Variants in SLC9A3 observed in about 807,000 individuals in gnomAD.
SLC9A3 encodes the protein sodium/hydrogen exchanger 3.
A neutral mutation model predicts 86.8 loss-of-function variants in SLC9A3; 37 were observed. That is an observed-to-expected ratio of 0.43 (90% CI 0.33 to 0.56). The LOEUF is 0.56. Ranked by LOEUF, SLC9A3 falls within the 20% of genes least tolerant of loss-of-function variation. The pLI is 0.06. For synonymous variants in SLC9A3, 581 were observed against 528.3 expected (o/e 1.10, Z -1.37); for missense variants, 1,011 against 1,171.9 (o/e 0.86, Z 2.00).
intron 3 of SLC9A3, among the ~76,000 whole-genome samples, chr5:485,631 C>T (rs545224078): frequency 9.2e-5 from 14 of 152,380 alleles, no homozygotes; most frequent in East Asian, 1.9e-4. Flanking sequence ...AACCTTAGCC[C>T]GGCAAAACCC....
In SLC9A3 at chr5:500,931, T is replaced by C. The variant is rs1014099512; in HGVS notation, c.212-8860A>G. Among the ~76,000 whole-genome samples, 397 of 84,022 alleles carry C rather than the reference T, an allele frequency of 4.7e-3. 3 individuals carry two copies. Among genetic ancestry groups the C allele is most frequent in the African/African-American group, 0.018 (374 of 20,586 alleles). The allele number at this position is 84,022 out of a possible 152,430, so 55.1% of individuals were successfully genotyped here. ...CGAGGCTGGTGTGGACACGGGCCGG[T>C]GTGGACAGGGCCAGGCCCTGAGTCC... On this transcript the variant is annotated intron_variant, in intron 1 of 16. Transcript: ENST00000264938.
rs111600778 is a variant in SLC9A3 at position 472,059 on chromosome 5, G to T, written c.*1320C>A. On this transcript the variant is annotated 3_prime_UTR_variant, in exon 17 of 17. Coordinates refer to ENST00000264938, the MANE Select transcript of SLC9A3 (RefSeq NM_004174.4). ...AGTGTCCACCTCCACCACTTCCACCGTGCAGGCAGGTTTCAGGTGGGTTGG... is the reference window on the plus strand; with the variant it reads ...AGTGTCCACCTCCACCACTTCCACCTTGCAGGCAGGTTTCAGGTGGGTTGG... The T allele has an allele frequency of 4.4e-6, 2 of 452,412 alleles. No homozygotes were observed. 28.0% of individuals were successfully genotyped at this position (452,412 alleles called of 1,614,324 possible). A position where few individuals can be genotyped will look rare whatever the true frequency, so the allele number is the denominator to read the frequency against.
Position 485,979 on chromosome 5 carries a change from C to T in SLC9A3, c.676-748G>A, listed in dbSNP as rs73730826. 2.8e-3 allele frequency among the ~76,000 whole-genome samples: 433 copies of T among 152,280 alleles called. 3 individuals carry two copies. The highest frequency in any genetic ancestry group is 9.8e-3 in the African/African-American group (406 of 41,544). On this transcript the variant is annotated intron_variant, in intron 3 of 16. Coordinates refer to ENST00000264938, the MANE Select transcript of SLC9A3 (RefSeq NM_004174.4). ...CTCTTGCTTCTCCAGGGACGGGAGC[C>T]GCAGGGCTGCGGGGCACACGGGGCT... is the stretch of plus-strand genomic sequence containing the variant.
intron 1 of SLC9A3, among the ~76,000 whole-genome samples, chr5:494,801 G>C (rs1167921857): frequency 6.6e-6 from 1 of 152,182 alleles, no homozygotes; most frequent in East Asian, 1.9e-4. Context: ...GGGCACAGCC[G>C]TGGTGATGGT....
chr5:492,421 G>C (rs1468015021), intron 1 of SLC9A3, among the ~76,000 whole-genome samples: 1 of 135,518 alleles, frequency 7.4e-6, no homozygotes, highest in Non-Finnish European at 1.6e-5. Context: ...TGGGACCTGC[G>C]GGGGAGGGGA....
intron 10 of SLC9A3, chr5:477,773 G>A: frequency 3.8e-6 from 1 of 260,500 alleles, no homozygotes; most frequent in Middle Eastern, 1.2e-3. Flanking sequence ...TGTTGATACT[G>A]CAGAATCATT....
chr5:477,946 C>G (rs964045749), intron 10 of SLC9A3: 1 of 153,676 alleles, frequency 6.5e-6, no homozygotes, highest in African/African-American at 2.4e-5. Context: ...AGACCCCACC[C>G]GCCTGATGGC....
Position 492,075 on chromosome 5 carries a change from TG to T in SLC9A3, c.212-5del. On this transcript the variant is annotated splice_polypyrimidine_tract_variant and splice_region_variant and intron_variant, in intron 1 of 16. Transcript: ENST00000264938. ...ACCTTGTGGGACAGGTGGAACCCTGTGGGGGAAGGGAGGGAGGTCAGGGCCG... is the reference window on the plus strand; with the variant it reads ...ACCTTGTGGGACAGGTGGAACCCTGTGGGGAAGGGAGGGAGGTCAGGGCCG... The T allele has an allele frequency of 1.8e-6, 2 of 1,134,922 alleles. No homozygotes were observed. Among genetic ancestry groups the T allele is most frequent in the Non-Finnish European group, 2.2e-6 (2 of 915,378 alleles). 70.3% of individuals were successfully genotyped at this position (1,134,922 alleles called of 1,614,324 possible).
intron 10 of SLC9A3, chr5:478,618 C>G (rs1738934863): frequency 6.5e-6 from 1 of 154,556 alleles, no homozygotes; most frequent in Non-Finnish European, 1.5e-5. Flanking sequence ...GGTCGTGGGT[C>G]GTGGGTCAAG....
Position 476,064 on chromosome 5 carries a change from A to G in SLC9A3, c.2096T>C (p.Leu699Pro). 6.2e-7 allele frequency: 1 copy of G among 1,613,368 alleles called. No homozygotes were observed. Among genetic ancestry groups the G allele is most frequent in the Non-Finnish European group, 8.5e-7 (1 of 1,179,888 alleles). ...ATTCTGCGCAGGGCTCTCCATGGGCAGCTTCCCATTGGGGATGCTGCTGTT... is the reference window on the plus strand; with the variant it reads ...ATTCTGCGCAGGGCTCTCCATGGGCGGCTTCCCATTGGGGATGCTGCTGTT... ...RRNSSIPNGK[L>P]PMESPAQNFT... Residue 699 changes from leucine to proline, a missense_variant, in exon 14 of 17, where the codon CTG (leucine) becomes CCG (proline). Physicochemically the swap from Leu to Pro is moderately conservative, Grantham distance 98. Around this residue, in one of 3 missense-constraint regions of SLC9A3, gnomAD observed 397 missense variants for 346.3 expected, o/e 1.15. Transcript: ENST00000264938.
At position 473,006 on chromosome 5, in the gene SLC9A3, G is replaced by A; in HGVS notation, c.*373C>T. ...CCTGCTCCAGCGCGTGCGGCGGTGC[G>A]TGGCACGAGGGCGGCAGCGACGCCA... On this transcript the variant is annotated 3_prime_UTR_variant, in exon 17 of 17. Coordinates refer to ENST00000264938, the MANE Select transcript of SLC9A3 (RefSeq NM_004174.4). 2 of 458,316 alleles carry A rather than the reference G, an allele frequency of 4.4e-6. No homozygotes were observed. The highest frequency in any genetic ancestry group is 3.3e-5 in the South Asian group (1 of 30,764). The allele number at this position is 458,316 out of a possible 1,614,324, so 28.4% of individuals were successfully genotyped here.
intron 16 of SLC9A3, among the ~76,000 whole-genome samples, chr5:474,212 C>A (rs2561677): frequency 0.61 from 29,097 of 47,826 alleles, 8,006 homozygotes; most frequent in African/African-American, 0.69. Context: ...AACCAGGTTC[C>A]GGTCCAGGGA....
At position 473,446 on chromosome 5, in the gene SLC9A3, CG is replaced by C; in HGVS notation, c.2502-65del. 6.1e-6 allele frequency: 8 copies of C among 1,301,942 alleles called. No individual in the cohort carries two copies. In the South Asian group the frequency reaches 6.3e-5, roughly 10 times the overall value. 80.6% of individuals were successfully genotyped at this position (1,301,942 alleles called of 1,614,324 possible). On this transcript the variant is annotated intron_variant, in intron 16 of 16. Coordinates refer to ENST00000264938, the MANE Select transcript of SLC9A3 (RefSeq NM_004174.4). ...GGCGCTGGGGCGGGAGGGGCGTCCC[CG>C]GGGGCCTCAGCTGTCCCCGAGCCCG...
intron 1 of SLC9A3, among the ~76,000 whole-genome samples, chr5:499,276 C>T (rs1740160545): frequency 6.6e-6 from 1 of 152,260 alleles, no homozygotes; most frequent in Non-Finnish European, 1.5e-5. Flanking sequence ...ACACAATGGA[C>T]GTTTGGGAGC....
chr5:473,172 C>CCCGGCGCAGGCCCCGCCA lies in SLC9A3; in HGVS notation c.*206_*207insTGGCGGGGCCTGCGCCGG. 1 of 463,604 alleles carries CCCGGCGCAGGCCCCGCCA rather than the reference C, an allele frequency of 2.2e-6. No homozygotes were observed. Among genetic ancestry groups the CCCGGCGCAGGCCCCGCCA allele is most frequent in the South Asian group, 1.0e-4 (1 of 10,022 alleles). 28.7% of individuals were successfully genotyped at this position (463,604 alleles called of 1,614,324 possible). Reference sequence around the variant, plus strand: ...CCCCGCCCCCGGCGCAGGCCCCGCCCCCGGCTCGCCCTCGGGCGGCTCTGC... The same window carrying CCCGGCGCAGGCCCCGCCA: ...CCCCGCCCCCGGCGCAGGCCCCGCCCCCGGCGCAGGCCCCGCCACCGGCTCGCCCTCGGGCGGCTCTGC... On this transcript the variant is annotated 3_prime_UTR_variant, in exon 17 of 17. Transcript: ENST00000264938.
chr5:494,878 G>A (rs1274513700), intron 1 of SLC9A3, among the ~76,000 whole-genome samples: 8 of 152,212 alleles, frequency 5.3e-5, no homozygotes, highest in Non-Finnish European at 8.8e-5. Context: ...CACGATGCAC[G>A]TTCTTTGCCT....
rs1311694582 is a variant in SLC9A3, at chr5:472,775, T to G, written c.*604A>C. The G allele has an allele frequency of 1.2e-5, 7 of 583,666 alleles. No homozygotes were observed. Among genetic ancestry groups the G allele is most frequent in the Non-Finnish European group, 1.9e-5 (6 of 309,174 alleles). The allele number at this position is 583,666 out of a possible 1,614,324, so 36.2% of individuals were successfully genotyped here. ...CAGCCGCTGCAGGTCGGGCCCTGAG[T>G]CCTGGCGCTCGGGAGGTCCCTGAGT... is the stretch of plus-strand genomic sequence containing the variant. On this transcript the variant is annotated 3_prime_UTR_variant, in exon 17 of 17. Coordinates refer to ENST00000264938, the MANE Select transcript of SLC9A3 (RefSeq NM_004174.4).
In SLC9A3 at chr5:474,340, G is replaced by A. The variant is rs559180359; in HGVS notation, c.2501+543C>T. Among the ~76,000 whole-genome samples the A allele has an allele frequency of 4.8e-3, 27 of 5,612 alleles. 2 individuals are homozygous for A. Among genetic ancestry groups the A allele is most frequent in the Admixed American group, 6.2e-3 (8 of 1,286 alleles). The allele number at this position is 5,612 out of a possible 152,430, so 3.7% of individuals were successfully genotyped here. A position where few individuals can be genotyped will look rare whatever the true frequency, so the allele number is the denominator to read the frequency against. ...GGTCCAGGGAGGAGAGAGACAGCGC[G>A]CGCGAGGCGGAGACCTGGAGGGAGA... is the stretch of plus-strand genomic sequence containing the variant. On this transcript the variant is annotated intron_variant, in intron 16 of 16. Coordinates refer to ENST00000264938, the MANE Select transcript of SLC9A3 (RefSeq NM_004174.4).
rs536842990 is a variant in SLC9A3 at position 515,384 on chromosome 5, A to G, written c.211+8728T>C. On this transcript the variant is annotated intron_variant, in intron 1 of 16. Coordinates refer to ENST00000264938, the MANE Select transcript of SLC9A3 (RefSeq NM_004174.4). ...CTTGGGCACCCTGGCTGCTCTCCTG[A>G]CTCCACCTGGACACGGCCCCAGGCT... Among the ~76,000 whole-genome samples the G allele has an allele frequency of 4.0e-5, 6 of 151,248 alleles. No individual in the cohort carries two copies. The East Asian group carries it at 5.9e-4, about 15-fold the overall frequency.
Sources: allele counts gnomAD v4.1 joint callset (sites outside exome capture counted in the v4.1 genomes callset), GRCh38; gene constraint gnomAD v4.1.1; regional missense constraint gnomAD v4.1.1; transcripts MANE v1.5; gene names NCBI Gene and HGNC (gene_info 2026-07-23, HGNC 2026-07-21).